The following CDH4 variants were observed in gnomAD, a reference collection of about 807,000 sequenced individuals.
CDH4 encodes the protein cadherin 4, also known as cadherin-4.
In CDH4, 33 loss-of-function variants were observed where a neutral mutation model predicts 86.0. That is an observed-to-expected ratio of 0.38 (90% CI 0.29 to 0.51). CDH4 has a LOEUF of 0.51. Ranked by LOEUF, CDH4 falls within the 20% of genes least tolerant of loss-of-function variation. The pLI is 0.86. For missense variants in CDH4, 1,114 were observed against 1,307.4 expected, an observed-to-expected ratio of 0.85 and a Z score of 2.28; for synonymous variants, 555 against 549.4, an observed-to-expected ratio of 1.01 and a Z score of -0.14.
chr20:61,546,806 C>T (rs188288319), intron 2 of CDH4, among the ~76,000 whole-genome samples: 27 of 152,228 alleles, frequency 1.8e-4, no homozygotes, highest in Middle Eastern at 3.4e-3. Context: ...TAGGCAGGAA[C>T]GGGTTGGCTG....
chr20:61,508,988 C>G (rs1400648706), intron 2 of CDH4, among the ~76,000 whole-genome samples: 4 of 151,232 alleles, frequency 2.6e-5, no homozygotes, highest in Non-Finnish European at 4.4e-5. Context: ...AGGCCTCGCC[C>G]AGTGGTACAT....
intron 5 of CDH4, among the ~76,000 whole-genome samples, chr20:61,852,550 A>G (rs1982773904): frequency 6.6e-6 from 1 of 151,672 alleles, no homozygotes; most frequent in African/African-American, 2.4e-5. Flanking sequence ...GCGTCGCCCC[A>G]CTCTGCACTC....
chr20:61,637,322 C>A, intron 2 of CDH4, among the ~76,000 whole-genome samples: 1 of 152,140 alleles, frequency 6.6e-6, no homozygotes, highest in East Asian at 1.9e-4. Context: ...GCTCCCACGA[C>A]CAGAGAGACC....
At chr20:61,471,918 T>A (rs981129384) in intron 2 of CDH4, among the ~76,000 whole-genome samples, 1 of 152,208 alleles carries the variant, frequency 6.6e-6, no homozygotes. Flanking sequence ...TTTGTGACCT[T>A]GTTTTATCAT....
chr20:61,472,641 A>ATC (rs1180934253), intron 2 of CDH4, among the ~76,000 whole-genome samples: 13 of 152,242 alleles, frequency 8.5e-5, no homozygotes, highest in Non-Finnish European at 1.6e-4. Context: ...GTACAAACAA[A>ATC]TTGTCTACCT....
chr20:61,840,017 CCTGA>C (rs1982087969), intron 4 of CDH4, among the ~76,000 whole-genome samples: 1 of 152,016 alleles, frequency 6.6e-6, no homozygotes, highest in Admixed American at 6.6e-5. Context: ...TCACTCTGAC[CCTGA>C]CTTTCTCCAA....
chr20:61,889,554 A>AGTAAG (rs1444791752), intron 7 of CDH4, among the ~76,000 whole-genome samples: 2 of 135,760 alleles, frequency 1.5e-5, no homozygotes, highest in Non-Finnish European at 3.2e-5. Context: ...ATGATGGATG[A>AGTAAG]TGGATGGGTA....
At chr20:61,815,617 G>C (rs1299983149) in intron 4 of CDH4, among the ~76,000 whole-genome samples, 1 of 152,214 alleles carries the variant, frequency 6.6e-6, no homozygotes, top group Non-Finnish European at 1.5e-5. Flanking sequence ...TCAGAGTAGA[G>C]AGCCCGCCTG....
In CDH4 at chr20:61,449,245, G is replaced by A. The variant is rs550333020; in HGVS notation, c.169+194308G>A. On this transcript the variant is annotated intron_variant, in intron 2 of 15. Transcript: ENST00000614565. ...CACAGCATGGTGCATTTATCTCCAC[G>A]GGGGGGCCGAGGGACCTTGAAACCA... Among the ~76,000 whole-genome samples, 5 of 139,120 alleles carry A rather than the reference G, an allele frequency of 3.6e-5. No individual in the cohort carries two copies. In the South Asian group the frequency reaches 6.2e-4, roughly 17 times the overall value. 91.3% of individuals were successfully genotyped at this position (139,120 alleles called of 152,430 possible).
At chr20:61,386,491 G>A (rs570029952) in intron 2 of CDH4, among the ~76,000 whole-genome samples, 32 of 146,466 alleles carry the variant, frequency 2.2e-4, no homozygotes, top group Non-Finnish European at 4.4e-4. Flanking sequence ...CACTGAACCC[G>A]TACTGTAAGC....
intron 2 of CDH4, among the ~76,000 whole-genome samples, chr20:61,451,028 C>T (rs2085376250): frequency 6.6e-6 from 1 of 152,042 alleles, no homozygotes; most frequent in Admixed American, 6.5e-5. Context: ...TCATAAGCCT[C>T]CATAGAGAGG....
intron 3 of CDH4, among the ~76,000 whole-genome samples, chr20:61,772,286 A>G (rs1318338008): frequency 1.3e-5 from 2 of 151,480 alleles, no homozygotes; most frequent in African/African-American, 4.9e-5. Context: ...CCGCCCACTG[A>G]CTCCCATCAG....
At chr20:61,473,326 A>G (rs1335046752) in intron 2 of CDH4, among the ~76,000 whole-genome samples, 2 of 152,198 alleles carry the variant, frequency 1.3e-5, no homozygotes, top group Non-Finnish European at 2.9e-5. Context: ...TATGTTTAAC[A>G]ACAAGCAGGC....
rs1050889983 is a variant in CDH4 at position 61,478,405 on chromosome 20, G to A, written c.169+223468G>A. Among the ~76,000 whole-genome samples, 3 of 132,996 alleles carry A rather than the reference G, an allele frequency of 2.3e-5. No homozygotes were observed. In the Admixed American group the frequency reaches 2.5e-4, roughly 11 times the overall value. 87.3% of individuals were successfully genotyped at this position (132,996 alleles called of 152,430 possible). A position where few individuals can be genotyped will look rare whatever the true frequency, so the allele number is the denominator to read the frequency against. The stretch of plus-strand genomic sequence containing the variant: ...CTTGTGGAGCAATGAGGTTTCTGCT[G>A]AGCGTGACGTAAGTTTGGACATAAA... On this transcript the variant is annotated intron_variant, in intron 2 of 15. Transcript: ENST00000614565.
In CDH4 at chr20:61,465,332, G is replaced by T. The variant is rs1017432286; in HGVS notation, c.169+210395G>T. Among the ~76,000 whole-genome samples, 3 of 152,136 alleles carry T rather than the reference G, an allele frequency of 2.0e-5. No homozygotes were observed. The East Asian group carries it at 5.8e-4, about 29-fold the overall frequency. Reference sequence around the variant, plus strand: ...AAGCTTTCCAGGGAGGTATGATAATGGGGGAGGAAGGAGTGGATATTGAAC... The same window carrying T: ...AAGCTTTCCAGGGAGGTATGATAATTGGGGAGGAAGGAGTGGATATTGAAC... On this transcript the variant is annotated intron_variant, in intron 2 of 15. Coordinates refer to ENST00000614565, the MANE Select transcript of CDH4 (RefSeq NM_001794.5).
intron 2 of CDH4, among the ~76,000 whole-genome samples, chr20:61,358,164 G>C (rs2084763149): frequency 6.6e-6 from 1 of 152,186 alleles, no homozygotes; most frequent in Non-Finnish European, 1.5e-5. Flanking sequence ...AAACCCCCGG[G>C]ACGTGCTTCC....
At chr20:61,525,126 G>A (rs1284674330) in intron 2 of CDH4, among the ~76,000 whole-genome samples, 2 of 152,154 alleles carry the variant, frequency 1.3e-5, no homozygotes, top group Non-Finnish European at 2.9e-5. Flanking sequence ...ACCTTGCCAG[G>A]CATGATTCCC....
At chr20:61,499,505 G>A in intron 2 of CDH4, 2 of 1,289,022 alleles carry the variant, frequency 1.6e-6, no homozygotes, top group Non-Finnish European at 2.0e-6. Context: ...AAGTGTGAGT[G>A]TGCTAGGGGG....
chr20:61,463,915 G>T (rs1267446023), intron 2 of CDH4, among the ~76,000 whole-genome samples: 1 of 152,178 alleles, frequency 6.6e-6, no homozygotes, highest in Non-Finnish European at 1.5e-5. Context: ...CCTATCAAGT[G>T]TAGTCACACT....
Sources: allele counts gnomAD v4.1 joint callset (sites outside exome capture counted in the v4.1 genomes callset), GRCh38; gene constraint gnomAD v4.1.1; transcripts MANE v1.5; gene names NCBI Gene and HGNC (gene_info 2026-07-23, HGNC 2026-07-21).